MGAT4C: variants seen among roughly 807,000 people sequenced by gnomAD.
MGAT4C encodes the protein alpha-1,3-mannosyl-glycoprotein 4-beta-N-acetylglucosaminyltransferase C.
In MGAT4C, 19 loss-of-function variants were observed where a neutral mutation model predicts 40.1. The observed-to-expected ratio is 0.47, with a 90% CI of 0.33 to 0.70. The LOEUF is 0.70. MGAT4C is among the 30% of genes least tolerant of loss of function. MGAT4C has a pLI of 0.02. For missense variants in MGAT4C, 491 were observed against 563.2 expected, an observed-to-expected ratio of 0.87 and a Z score of 1.30; for synonymous variants, 181 against 187.1, an observed-to-expected ratio of 0.97 and a Z score of 0.27.
chr12:86,327,644 T>C (rs12306280), intron 4 of MGAT4C, among the ~76,000 whole-genome samples: 34,546 of 151,962 alleles, frequency 0.23, 5,072 homozygotes, highest in African/African-American at 0.41. Flanking sequence ...TCAAAATTGA[T>C]GAAAACTCTG....
chr12:86,414,229 CT>C (rs1956660266), intron 3 of MGAT4C, among the ~76,000 whole-genome samples: 2 of 151,590 alleles, frequency 1.3e-5, no homozygotes, highest in Admixed American at 1.3e-4. Context: ...GAAATTAAAC[CT>C]GAAGAAAAAA....
intron 1 of MGAT4C, among the ~76,000 whole-genome samples, chr12:86,739,883 C>T (rs1310108903): frequency 2.0e-5 from 3 of 150,412 alleles, no homozygotes; most frequent in African/African-American, 7.3e-5. Context: ...CATATATATA[C>T]ACACACACAT....
intron 3 of MGAT4C, among the ~76,000 whole-genome samples, chr12:85,988,413 T>C (rs1885495344): frequency 6.6e-6 from 1 of 151,638 alleles, no homozygotes; most frequent in African/African-American, 2.4e-5. Flanking sequence ...TCTAAAGCAT[T>C]TTTTTTTGGA....
chr12:86,358,346 A>G (rs988828695), intron 3 of MGAT4C, among the ~76,000 whole-genome samples: 1 of 152,328 alleles, frequency 6.6e-6, no homozygotes, highest in Admixed American at 6.5e-5. Flanking sequence ...ATGGAAAGGA[A>G]CAACCACTAC....
intron 2 of MGAT4C, among the ~76,000 whole-genome samples, chr12:86,008,873 T>C (rs1888168383): frequency 1.3e-5 from 2 of 152,086 alleles, no homozygotes; most frequent in South Asian, 4.1e-4. Context: ...GGAGCTTTTT[T>C]CTCCTTTATT....
intron 1 of MGAT4C, among the ~76,000 whole-genome samples, chr12:86,176,693 T>C (rs1641820381): frequency 6.6e-6 from 1 of 151,586 alleles, no homozygotes; most frequent in Non-Finnish European, 1.5e-5. Flanking sequence ...TATTCTGATT[T>C]TTTATAAATA....
intron 3 of MGAT4C, among the ~76,000 whole-genome samples, chr12:86,408,479 C>CTCTCTATATATA (rs1267344319): frequency 3.5e-4 from 22 of 63,338 alleles, no homozygotes; most frequent in African/African-American, 1.3e-3. Context: ...CTCTCTCTCT[C>CTCTCTATATATA]TATATATATA....
intron 1 of MGAT4C, among the ~76,000 whole-genome samples, chr12:86,090,297 A>C (rs1328907065): frequency 1.3e-5 from 2 of 151,626 alleles, no homozygotes; most frequent in Non-Finnish European, 3.0e-5. Context: ...TCATTTAAAA[A>C]CTTTATAAAT....
intron 2 of MGAT4C, among the ~76,000 whole-genome samples, chr12:86,518,562 A>G (rs918387703): frequency 4.6e-5 from 7 of 152,348 alleles, no homozygotes; most frequent in Admixed American, 4.6e-4. Flanking sequence ...GAAAGAAACC[A>G]GAATACTTAA....
chr12:86,572,948 C>G (rs1158707852), intron 2 of MGAT4C, among the ~76,000 whole-genome samples: 1 of 151,984 alleles, frequency 6.6e-6, no homozygotes, highest in Non-Finnish European at 1.5e-5. Flanking sequence ...TTTAACCAAT[C>G]AAAGCATGAT....
intron 1 of MGAT4C, among the ~76,000 whole-genome samples, chr12:86,183,671 G>T (rs1888379517): frequency 6.6e-6 from 1 of 152,112 alleles, no homozygotes; most frequent in Non-Finnish European, 1.5e-5. Context: ...GGCCAATTTG[G>T]TTCCTGGTGA....
intron 2 of MGAT4C, among the ~76,000 whole-genome samples, chr12:86,574,086 T>C (rs1960470146): frequency 6.6e-6 from 1 of 151,764 alleles, no homozygotes; most frequent in South Asian, 2.1e-4. Context: ...GTATGAAAAT[T>C]AGCTATTTTC....
chr12:86,529,409 A>G (rs1355600346), intron 2 of MGAT4C, among the ~76,000 whole-genome samples: 1 of 152,108 alleles, frequency 6.6e-6, no homozygotes, highest in Non-Finnish European at 1.5e-5. Context: ...ACTGTAGGAA[A>G]TGTAATACAC....
intron 1 of MGAT4C, among the ~76,000 whole-genome samples, chr12:86,105,353 C>A (rs1402555701): frequency 9.2e-5 from 14 of 152,074 alleles, no homozygotes; most frequent in African/African-American, 3.4e-4. Flanking sequence ...ACCACATAAT[C>A]TTCCAAAACC....
intron 1 of MGAT4C, among the ~76,000 whole-genome samples, chr12:86,831,830 A>C (rs1371185952): frequency 6.6e-6 from 1 of 151,868 alleles, no homozygotes; most frequent in Non-Finnish European, 1.5e-5. Context: ...ACCTGGAATT[A>C]TTAAGCCTGT....
At chr12:86,680,562 T>C (rs7963502) in intron 2 of MGAT4C, among the ~76,000 whole-genome samples, 5,742 of 152,218 alleles carry the variant, frequency 0.038, 140 homozygotes, top group Non-Finnish European at 0.049. Context: ...GCATAAATTC[T>C]GGCCATAGGG....
chr12:86,096,377 T>G, intron 1 of MGAT4C, among the ~76,000 whole-genome samples: 1 of 151,030 alleles, frequency 6.6e-6, no homozygotes, highest in East Asian at 1.9e-4. Flanking sequence ...ATCTTCTATA[T>G]TTTTTACTTC....
intron 4 of MGAT4C, among the ~76,000 whole-genome samples, chr12:86,282,315 A>G (rs1472482825): frequency 1.3e-5 from 2 of 152,144 alleles, no homozygotes; most frequent in East Asian, 1.9e-4. Context: ...TCTATCTTCA[A>G]TCTGACCAAT....
intron 1 of MGAT4C, among the ~76,000 whole-genome samples, chr12:86,763,381 A>C (rs1485491865): frequency 6.6e-6 from 1 of 152,074 alleles, no homozygotes; most frequent in African/African-American, 2.4e-5. Context: ...TTTTCATGTT[A>C]CTGCAACCGT....
Sources: allele counts gnomAD v4.1 joint callset (sites outside exome capture counted in the v4.1 genomes callset), GRCh38; gene constraint gnomAD v4.1.1; transcripts MANE v1.5; gene names NCBI Gene and HGNC (gene_info 2026-07-23, HGNC 2026-07-21).